The following PAK4 variants were observed in gnomAD, a reference collection of about 807,000 sequenced individuals.
PAK4 encodes the protein p21 (RAC1) activated kinase 4, also known as serine/threonine-protein kinase PAK 4.
Under a neutral mutation model 53.5 loss-of-function variants are expected in PAK4, and 49 were observed. The observed-to-expected ratio is 0.92, with a 90% CI of 0.73 to 1.16. PAK4 has a LOEUF of 1.16. Ranked by LOEUF, PAK4 falls within the 50% of genes most tolerant of loss-of-function variation. The pLI is 0.00. For missense variants in PAK4, 824 were observed against 850.7 expected (o/e 0.97, Z 0.39); for synonymous variants, 376 against 375.6 (o/e 1.00, Z -0.01).
At chr19:39,151,243 C>G (rs999443057) in intron 1 of PAK4, among the ~76,000 whole-genome samples, 4 of 152,210 alleles carry the variant, frequency 2.6e-5, no homozygotes, top group Non-Finnish European at 4.4e-5. Context: ...AGAGGACATT[C>G]TGATGGCTTT....
At chr19:39,151,115 T>C (rs1166858137) in intron 1 of PAK4, among the ~76,000 whole-genome samples, 1 of 152,154 alleles carries the variant, frequency 6.6e-6, no homozygotes, top group Non-Finnish European at 1.5e-5. Flanking sequence ...AGGAGACGGC[T>C]TTAGCTCTGT....
downstream of PAK4, chr19:39,180,910 G>C (rs796742919): frequency 2.6e-4 from 39 of 152,300 alleles, no homozygotes; most frequent in African/African-American, 8.9e-4. Flanking sequence ...TCACAGCCAG[G>C]GTGCCCGGCG....
At chr19:39,132,696 G>T (rs1216049254) in intron 1 of PAK4, among the ~76,000 whole-genome samples, 1 of 152,218 alleles carries the variant, frequency 6.6e-6, no homozygotes. Context: ...TCTGAGACAG[G>T]TGCCCCGTTA....
intron 1 of PAK4, among the ~76,000 whole-genome samples, chr19:39,148,347 A>G (rs2074037410): frequency 6.6e-6 from 1 of 150,914 alleles, no homozygotes; most frequent in South Asian, 2.1e-4. Context: ...TTTCATACGG[A>G]CTTTTGCAGA....
intron 1 of PAK4, among the ~76,000 whole-genome samples, chr19:39,142,913 C>T (rs1207177248): frequency 6.6e-6 from 1 of 152,112 alleles, no homozygotes; most frequent in Non-Finnish European, 1.5e-5. Flanking sequence ...ACATAAACCT[C>T]CTTGACCTCA....
Position 39,125,824 on chromosome 19 carries a change from C to CCG in PAK4, c.-115_-114dup, listed in dbSNP as rs1317152152. On this transcript the variant is annotated 5_prime_UTR_variant, in exon 1 of 9. It removes the in-frame stop codon of an upstream open reading frame in the 5' UTR. Coordinates refer to ENST00000358301, the Ensembl canonical transcript of PAK4. ...GGATTCAACATGGCGGCGGGAGTGT[C>CCG]CGCGGTGGTGGCGGTGCAAGAGAGC... 2 of 153,310 alleles carry CCG rather than the reference C, an allele frequency of 1.3e-5. No homozygotes were observed. The highest frequency in any genetic ancestry group is 2.9e-5 in the Non-Finnish European group (2 of 68,830). 9.5% of individuals were successfully genotyped at this position (153,310 alleles called of 1,614,324 possible).
chr19:39,149,661 C>G (rs939530653), intron 1 of PAK4, among the ~76,000 whole-genome samples: 110 of 152,202 alleles, frequency 7.2e-4, no homozygotes, highest in African/African-American at 2.6e-3. Context: ...TCGAGACCAT[C>G]CTGGCTAACA....
chr19:39,160,178 G>T (rs1213346046), intron 1 of PAK4, among the ~76,000 whole-genome samples: 1 of 152,212 alleles, frequency 6.6e-6, no homozygotes, highest in Admixed American at 6.5e-5. Context: ...GTCAAGGTCA[G>T]ACTTCCAGGG....
chr19:39,170,486 C>T (rs2074458140), intron 2 of PAK4, among the ~76,000 whole-genome samples: 1 of 152,182 alleles, frequency 6.6e-6, no homozygotes, highest in African/African-American at 2.4e-5. Flanking sequence ...AGTTGTGGAG[C>T]CGGTGTCTGG....
At chr19:39,182,014 C>T (rs886129277), downstream of PAK4, 2 of 152,192 alleles carry the variant, frequency 1.3e-5, no homozygotes, top group Non-Finnish European at 2.9e-5. Flanking sequence ...CTGGTGGGGC[C>T]CAGTGATCTG....
chr19:39,174,896 C>A, intron 4 of PAK4, 35 bp from the exon 6 acceptor site: 1 of 1,612,228 alleles, frequency 6.2e-7, no homozygotes, highest in South Asian at 1.1e-5. Context: ...GCAGCCCTCC[C>A]GCCTCCCTCC....
intron 1 of PAK4, among the ~76,000 whole-genome samples, chr19:39,132,173 T>G (rs1267097084): frequency 1.3e-5 from 2 of 152,060 alleles, no homozygotes; most frequent in Non-Finnish European, 2.9e-5. Flanking sequence ...GAGGAGGAGG[T>G]GTTTTTAACC....
At position 39,166,099 on chromosome 19, in the gene PAK4, C is replaced by T. The variant is rs147256510; in HGVS notation, c.-22-3433C>T. ...ACTGTGTGTGTGATTTGCCTTGGTT[C>T]TGATCCCAACCACTGTCTCTGGGCC... On this transcript the variant is annotated intron_variant, in intron 1 of 8. Coordinates refer to ENST00000358301, the Ensembl canonical transcript of PAK4. Among the ~76,000 whole-genome samples the T allele has an allele frequency of 3.2e-3, 485 of 152,350 alleles. 3 individuals carry two copies. Among genetic ancestry groups the T allele is most frequent in the Middle Eastern group, 0.017 (5 of 294 alleles).
intron 1 of PAK4, among the ~76,000 whole-genome samples, chr19:39,144,539 G>C (rs1368832160): frequency 6.6e-6 from 1 of 152,222 alleles, no homozygotes; most frequent in Non-Finnish European, 1.5e-5. Context: ...GGGACTTGTT[G>C]ATCTGGGTTT....
chr19:39,126,048 G>A (rs1221176656), intron 1 of PAK4, 129 bp downstream of exon 1: 3 of 152,492 alleles, frequency 2.0e-5, no homozygotes, highest in East Asian at 3.9e-4. Flanking sequence ...TCGCGTCCGA[G>A]GGGTCGGGGG....
chr19:39,181,637 G>C (rs1037520601), downstream of PAK4: 4 of 152,276 alleles, frequency 2.6e-5, no homozygotes, highest in African/African-American at 7.2e-5. Context: ...TGACCCCACC[G>C]GCCCGGGGGG....
chr19:39,163,710 C>T (rs2074321763), intron 1 of PAK4, among the ~76,000 whole-genome samples: 1 of 152,230 alleles, frequency 6.6e-6, no homozygotes, highest in Admixed American at 6.5e-5. Flanking sequence ...TACTGGACTT[C>T]AGAGGCATCT....
At chr19:39,145,655 C>T (rs2073987102) in intron 1 of PAK4, among the ~76,000 whole-genome samples, 1 of 152,176 alleles carries the variant, frequency 6.6e-6, no homozygotes, top group African/African-American at 2.4e-5. Flanking sequence ...CCTCCCTGAG[C>T]TTATGTAAGG....
In PAK4 at chr19:39,178,398, CCT is replaced by C. The variant is rs1333433331; in HGVS notation, c.1621-25_1621-24del. ...AAATGAACAGTGGGGAGCCTCGCCCCCTGACCCTCCCCTCCTTCTCGACAGGT... is the reference window on the plus strand; with the variant it reads ...AAATGAACAGTGGGGAGCCTCGCCCCGACCCTCCCCTCCTTCTCGACAGGT... On this transcript the variant is annotated intron_variant, in intron 8 of 8. Transcript: ENST00000358301. This position sits in a 1 kb window ranked among gnomAD's most constrained non-coding sequence, Gnocchi z 4.4. 1 of 1,563,918 alleles carries C rather than the reference CCT, an allele frequency of 6.4e-7. No homozygotes were observed. Among genetic ancestry groups the C allele is most frequent in the African/African-American group, 1.4e-5 (1 of 73,510 alleles).
Sources: allele counts gnomAD v4.1 joint callset (sites outside exome capture counted in the v4.1 genomes callset), GRCh38; gene constraint gnomAD v4.1.1; non-coding constraint Gnocchi (gnomAD v3.1); transcripts MANE v1.5; gene names NCBI Gene and HGNC (gene_info 2026-07-23, HGNC 2026-07-21).